Variants in PLPPR5 observed in about 807,000 individuals in gnomAD.
The protein encoded by PLPPR5 is phospholipid phosphatase-related protein type 5.
Under a neutral mutation model 33.9 loss-of-function variants are expected in PLPPR5, and 16 were observed. The ratio of observed to expected loss-of-function variants is 0.47; its 90% CI spans 0.32 to 0.72. The LOEUF (loss-of-function observed/expected upper bound fraction) is 0.72, where lower values mean the gene tolerates loss of function less well. Ranked by LOEUF, PLPPR5 falls within the 30% of genes least tolerant of loss-of-function variation. The pLI is 0.03. For missense variants in PLPPR5, 301 were observed against 406.7 expected, an observed-to-expected ratio of 0.74 and a Z score of 2.23; for synonymous variants, 163 against 150.3, an observed-to-expected ratio of 1.08 and a Z score of -0.62.
chr1:98,964,079 A>C (rs1319622011), intron 1 of PLPPR5, among the ~76,000 whole-genome samples: 4 of 152,194 alleles, frequency 2.6e-5, no homozygotes, highest in Non-Finnish European at 4.4e-5. Context: ...CTAGATTCCC[A>C]AAGCATCCCT....
chr1:98,903,951 C>A (rs776202151), intron 5 of PLPPR5, among the ~76,000 whole-genome samples: 2 of 152,150 alleles, frequency 1.3e-5, no homozygotes, highest in Non-Finnish European at 2.9e-5. Context: ...ACAAAAGAGT[C>A]AATCAATGTA....
At chr1:98,935,143 T>A (rs1402318407) in intron 3 of PLPPR5, among the ~76,000 whole-genome samples, 2 of 152,164 alleles carry the variant, frequency 1.3e-5, no homozygotes, top group African/African-American at 4.8e-5. Context: ...ATGACAGACC[T>A]GTTTTTCAAA....
chr1:98,945,564 G>C (rs1650519401), intron 3 of PLPPR5, among the ~76,000 whole-genome samples: 1 of 152,142 alleles, frequency 6.6e-6, no homozygotes, highest in Non-Finnish European at 1.5e-5. Flanking sequence ...ATTCCTGGCT[G>C]TAAAACAGAC....
At chr1:98,969,332 C>T (rs1453534016) in intron 1 of PLPPR5, among the ~76,000 whole-genome samples, 1 of 151,980 alleles carries the variant, frequency 6.6e-6, no homozygotes, top group African/African-American at 2.4e-5. Flanking sequence ...AAGTGAAAAA[C>T]TCATTCACCA....
chr1:98,894,481 G>A (rs373533068), intron 5 of PLPPR5, among the ~76,000 whole-genome samples: 2 of 152,018 alleles, frequency 1.3e-5, no homozygotes, highest in South Asian at 2.1e-4. Flanking sequence ...AATGCAATTC[G>A]ATATAGAGTG....
At chr1:98,904,282 G>A (rs1392773423) in intron 5 of PLPPR5, among the ~76,000 whole-genome samples, 1 of 75,248 alleles carries the variant, frequency 1.3e-5, no homozygotes, top group Non-Finnish European at 2.8e-5. Flanking sequence ...TTTTTTTTTG[G>A]CAAGAGAGAA....
intron 1 of PLPPR5, among the ~76,000 whole-genome samples, chr1:98,973,007 G>C (rs957298491): frequency 6.6e-6 from 1 of 152,094 alleles, no homozygotes; most frequent in South Asian, 2.1e-4. Context: ...AGTCAGCCCA[G>C]GGTAGAACAG....
chr1:98,958,457 T>C (rs1357787240), intron 1 of PLPPR5, among the ~76,000 whole-genome samples: 3 of 152,084 alleles, frequency 2.0e-5, no homozygotes, highest in Admixed American at 6.6e-5. Flanking sequence ...TCAGAAGACA[T>C]TGAGTGGAAC....
chr1:98,985,702 C>T (rs1005391810), intron 1 of PLPPR5, among the ~76,000 whole-genome samples: 1 of 152,098 alleles, frequency 6.6e-6, no homozygotes, highest in African/African-American at 2.4e-5. Flanking sequence ...TGTTTATATA[C>T]ACAAATACCA....
chr1:98,920,854 C>A (rs1431170423), intron 4 of PLPPR5, among the ~76,000 whole-genome samples: 1 of 151,912 alleles, frequency 6.6e-6, no homozygotes, highest in African/African-American at 2.4e-5. Context: ...TGTGTCAATG[C>A]AAAAATATGT....
chr1:98,995,940 T>C (rs1652615542), intron 1 of PLPPR5, among the ~76,000 whole-genome samples: 1 of 152,064 alleles, frequency 6.6e-6, no homozygotes, highest in Admixed American at 6.6e-5. Flanking sequence ...CAAATTGGCT[T>C]GAATCAGATA....
intron 2 of PLPPR5, among the ~76,000 whole-genome samples, chr1:98,955,889 A>G (rs1570731144): frequency 6.6e-6 from 1 of 152,118 alleles, no homozygotes; most frequent in Non-Finnish European, 1.5e-5. Context: ...ATTAAATTGT[A>G]TTGCGTCAGT....
intron 3 of PLPPR5, among the ~76,000 whole-genome samples, chr1:98,946,980 A>C (rs1197362701): frequency 2.6e-5 from 4 of 152,144 alleles, no homozygotes; most frequent in Non-Finnish European, 4.4e-5. Flanking sequence ...TGAAGGCAAA[A>C]GTACCTAGGG....
At chr1:98,940,978 T>A (rs1650348627) in intron 3 of PLPPR5, among the ~76,000 whole-genome samples, 1 of 151,798 alleles carries the variant, frequency 6.6e-6, no homozygotes, top group Admixed American at 6.6e-5. Flanking sequence ...TTTTTGAAAT[T>A]CTGCAAGTAA....
intron 5 of PLPPR5, among the ~76,000 whole-genome samples, chr1:98,913,731 G>A (rs1255906186): frequency 6.6e-6 from 1 of 152,178 alleles, no homozygotes; most frequent in African/African-American, 2.4e-5. Context: ...CCTCAGCTAA[G>A]ATATTGACCA....
chr1:98,949,238 C>A (rs11581114), intron 3 of PLPPR5, among the ~76,000 whole-genome samples: 17,103 of 151,000 alleles, frequency 0.11, 1,082 homozygotes, highest in East Asian at 0.23. Context: ...TCCCGGAGAA[C>A]CAATGGTACT....
At chr1:98,904,023 T>C (rs543847286) in intron 5 of PLPPR5, among the ~76,000 whole-genome samples, 1 of 152,236 alleles carries the variant, frequency 6.6e-6, no homozygotes, top group African/African-American at 2.4e-5. Flanking sequence ...ATAATTTTTT[T>C]GGCAGTTGCC....
chr1:98,951,443 A>G (rs1232807922), intron 3 of PLPPR5, among the ~76,000 whole-genome samples: 3 of 152,236 alleles, frequency 2.0e-5, no homozygotes, highest in Non-Finnish European at 4.4e-5. Context: ...GAGTTGTAAC[A>G]GACAAACTTC....
chr1:98,895,649 G>T (rs182179402), intron 5 of PLPPR5, among the ~76,000 whole-genome samples: 37 of 152,142 alleles, frequency 2.4e-4, no homozygotes, highest in African/African-American at 8.9e-4. Flanking sequence ...TTTCTAGATT[G>T]ACTATATTTT....
Sources: allele counts gnomAD v4.1 joint callset (sites outside exome capture counted in the v4.1 genomes callset), GRCh38; gene constraint gnomAD v4.1.1; transcripts MANE v1.5; gene names NCBI Gene and HGNC (gene_info 2026-07-23, HGNC 2026-07-21).